The following GNG7 variants were observed in gnomAD, a reference collection of about 807,000 sequenced individuals.
GNG7 encodes G protein subunit gamma 7, also known as guanine nucleotide-binding protein G(I)/G(S)/G(O) subunit gamma-7.
Under a neutral mutation model 4.0 loss-of-function variants are expected in GNG7, and 1 was observed. The observed-to-expected ratio is 0.25, with a 90% CI of 0.09 to 1.18. The LOEUF (loss-of-function observed/expected upper bound fraction) is 1.18. GNG7 is among the 50% of genes most tolerant of loss of function. GNG7 has a pLI of 0.50. For synonymous variants in GNG7, 34 were observed against 36.9 expected, an observed-to-expected ratio of 0.92 and a Z score of 0.29; for missense variants, 86 against 91.9, an observed-to-expected ratio of 0.94 and a Z score of 0.26.
chr19:2,521,622 T>G (rs374946142), intron 3 of GNG7, among the ~76,000 whole-genome samples: 6 of 129,952 alleles, frequency 4.6e-5, no homozygotes, highest in Non-Finnish European at 1.1e-4. Flanking sequence ...GTTTTTTTTT[T>G]TTTTTTTTTG....
At chr19:2,682,556 A>C (rs1269333061) in intron 1 of GNG7, among the ~76,000 whole-genome samples, 8 of 149,416 alleles carry the variant, frequency 5.4e-5, no homozygotes, top group Non-Finnish European at 8.9e-5. Flanking sequence ...CCAGCTACTC[A>C]GGAGGCTGAG....
At chr19:2,615,623 T>C (rs1388862670) in intron 2 of GNG7, among the ~76,000 whole-genome samples, 8 of 149,918 alleles carry the variant, frequency 5.3e-5, no homozygotes, top group Non-Finnish European at 1.2e-4. Context: ...CCACCACGCC[T>C]GGCTAATTTT....
At chr19:2,558,499 G>A (rs1979636290) in intron 2 of GNG7, among the ~76,000 whole-genome samples, 1 of 152,026 alleles carries the variant, frequency 6.6e-6, no homozygotes, top group Admixed American at 6.6e-5. Context: ...CTCCTAAAGT[G>A]CTGGATGACA....
chr19:2,576,909 C>T (rs1308102003), intron 2 of GNG7, among the ~76,000 whole-genome samples: 1 of 152,236 alleles, frequency 6.6e-6, no homozygotes, highest in Admixed American at 6.5e-5. Context: ...GTCTCAAACT[C>T]CTGGGCTCAA....
At chr19:2,622,685 G>GA (rs557085305) in intron 2 of GNG7, among the ~76,000 whole-genome samples, 2 of 141,952 alleles carry the variant, frequency 1.4e-5, no homozygotes, top group African/African-American at 2.8e-5. Flanking sequence ...GGCAGATAGG[G>GA]GGCTTCCGGG....
chr19:2,633,056 T>C lies in GNG7; in HGVS notation c.-78+13168A>G, dbSNP rs1472373652. On this transcript the variant is annotated intron_variant, in intron 2 of 4. Transcript: ENST00000382159. This position sits in a 1 kb window ranked among gnomAD's most constrained non-coding sequence, Gnocchi z 5.9. ...CTCCCCAGGCTGCACCTTAACCATC[T>C]ATGACACGCATCCCCAGGCGGCACC... 6.6e-6 allele frequency among the ~76,000 whole-genome samples: 1 copy of C among 152,164 alleles called. No homozygotes were observed. Among genetic ancestry groups the C allele is most frequent in the East Asian group, 1.9e-4 (1 of 5,180 alleles).
chr19:2,603,250 A>G (rs568276246), intron 2 of GNG7, among the ~76,000 whole-genome samples: 3 of 152,264 alleles, frequency 2.0e-5, no homozygotes, highest in African/African-American at 7.2e-5. Flanking sequence ...TATTTTTAGT[A>G]GAGACGGGGT....
chr19:2,638,962 G>T (rs1298392162), intron 2 of GNG7, among the ~76,000 whole-genome samples: 1 of 152,132 alleles, frequency 6.6e-6, no homozygotes, highest in African/African-American at 2.4e-5. Flanking sequence ...TCCTGGCCAG[G>T]TGCGGTGGCT....
At chr19:2,599,658 C>G (rs977246639) in intron 2 of GNG7, among the ~76,000 whole-genome samples, 19 of 152,164 alleles carry the variant, frequency 1.2e-4, no homozygotes, top group African/African-American at 4.6e-4. Flanking sequence ...GGGGTTAGGC[C>G]GGGCGCGGTG....
intron 1 of GNG7, among the ~76,000 whole-genome samples, chr19:2,699,782 G>C (rs1290190470): frequency 6.6e-6 from 1 of 152,164 alleles, no homozygotes; most frequent in Admixed American, 6.5e-5. Flanking sequence ...CCACCCCAGA[G>C]GACAATCAGA....
intron 2 of GNG7, among the ~76,000 whole-genome samples, chr19:2,625,328 C>T: frequency 6.6e-6 from 1 of 152,164 alleles, no homozygotes; most frequent in East Asian, 1.9e-4. Flanking sequence ...CACTTCAGCA[C>T]CCCAAAGCAC....
intron 1 of GNG7, among the ~76,000 whole-genome samples, chr19:2,665,395 G>A (rs1324415661): frequency 6.6e-6 from 1 of 151,576 alleles, no homozygotes; most frequent in Admixed American, 6.6e-5. Flanking sequence ...CTGCCGTGCT[G>A]GACAGTCCTC....
intron 2 of GNG7, among the ~76,000 whole-genome samples, chr19:2,556,361 C>A (rs1979543821): frequency 6.6e-6 from 1 of 152,242 alleles, no homozygotes; most frequent in African/African-American, 2.4e-5. Flanking sequence ...GGCCCAGCTT[C>A]CTGAGCTGCT....
chr19:2,516,367 G>A (rs548317427), intron 4 of GNG7, among the ~76,000 whole-genome samples: 1 of 152,154 alleles, frequency 6.6e-6, no homozygotes, highest in African/African-American at 2.4e-5. Flanking sequence ...TGGGACTACA[G>A]GTGCCTGCCA....
intron 2 of GNG7, among the ~76,000 whole-genome samples, chr19:2,567,331 T>TTGTATGTGTGTGTGTGTGTG (rs1555694372): frequency 2.9e-5 from 4 of 137,172 alleles, no homozygotes; most frequent in Admixed American, 1.5e-4. Flanking sequence ...TGTCGTCGAT[T>TTGTATGTGTGTGTGTGTGTG]TGTGTGTGTG....
Position 2,639,881 on chromosome 19 carries a change from G to A in GNG7, c.-78+6343C>T, listed in dbSNP as rs1436198516. Among the ~76,000 whole-genome samples, 88 of 49,984 alleles carry A rather than the reference G, an allele frequency of 1.8e-3. 2 individuals are homozygous for A. The highest frequency in any genetic ancestry group is 7.7e-3 in the African/African-American group (81 of 10,570). 32.8% of individuals were successfully genotyped at this position (49,984 alleles called of 152,430 possible). A position where few individuals can be genotyped will look rare whatever the true frequency, so the allele number is the denominator to read the frequency against. ...AGGGGAGGGAGAAAGGAAGGAAGGAGGGAGGGAGAGAGGGAAGGAGGGAGG... is the reference window on the plus strand; with the variant it reads ...AGGGGAGGGAGAAAGGAAGGAAGGAAGGAGGGAGAGAGGGAAGGAGGGAGG... On this transcript the variant is annotated intron_variant, in intron 2 of 4. Coordinates refer to ENST00000382159, the MANE Select transcript of GNG7 (RefSeq NM_052847.3).
At chr19:2,547,516 C>CG in intron 3 of GNG7, among the ~76,000 whole-genome samples, 1 of 152,248 alleles carries the variant, frequency 6.6e-6, no homozygotes, top group South Asian at 2.1e-4. Flanking sequence ...TGCGCCCCCC[C>CG]ACCCCGGATC....
At chr19:2,615,391 CA>C (rs1222895979) in intron 2 of GNG7, among the ~76,000 whole-genome samples, 1 of 151,000 alleles carries the variant, frequency 6.6e-6, no homozygotes, top group Admixed American at 6.6e-5. Context: ...CCTTCCTGGA[CA>C]CCACGTGGCA....
In GNG7 at chr19:2,557,686, A is replaced by G. The variant is rs1979609583; in HGVS notation, c.-77-2498T>C. On this transcript the variant is annotated intron_variant, in intron 2 of 4. Coordinates refer to ENST00000382159, the MANE Select transcript of GNG7 (RefSeq NM_052847.3). This position sits in a 1 kb window ranked among gnomAD's most constrained non-coding sequence, Gnocchi z 5.1. ...ACCTCAGCTCCTGATCCATAAAATC[A>G]GGACAGTGACCGAGGATGCTGGGGC... 6.6e-6 allele frequency among the ~76,000 whole-genome samples: 1 copy of G among 152,156 alleles called. No homozygotes were observed. The highest frequency in any genetic ancestry group is 2.1e-4 in the South Asian group (1 of 4,832).
Sources: allele counts gnomAD v4.1 joint callset (sites outside exome capture counted in the v4.1 genomes callset), GRCh38; gene constraint gnomAD v4.1.1; non-coding constraint Gnocchi (gnomAD v3.1); transcripts MANE v1.5; gene names NCBI Gene and HGNC (gene_info 2026-07-23, HGNC 2026-07-21).